DHX15: variants seen among roughly 807,000 people sequenced by gnomAD.
DHX15 encodes ATP-dependent RNA helicase DHX15.
Under a neutral mutation model 94.4 loss-of-function variants are expected in DHX15, and 11 were observed. The observed-to-expected ratio is 0.12, with a 90% CI of 0.07 to 0.19. DHX15 has a LOEUF of 0.19. Among genes scored for constraint, DHX15 ranks in the 10% least tolerant of loss-of-function variants. DHX15 has a pLI of 1.00. For synonymous variants in DHX15, 338 were observed against 329.9 expected (o/e 1.02, Z -0.27); for missense variants, 304 against 988.5 (o/e 0.31, Z 9.29).
At chr4:24,553,671 G>T (rs1382729344) in intron 5 of DHX15, among the ~76,000 whole-genome samples, 1 of 151,832 alleles carries the variant, frequency 6.6e-6, no homozygotes, top group Non-Finnish European at 1.5e-5. Context: ...CAGCTACTTG[G>T]GAGGCTGAGG....
chr4:24,552,017 G>A (rs1056472120), intron 5 of DHX15, among the ~76,000 whole-genome samples: 33 of 152,160 alleles, frequency 2.2e-4, no homozygotes, highest in South Asian at 6.2e-4. Context: ...AAGAAATCCC[G>A]TAACACTTAA....
intron 2 of DHX15, 59 bp downstream of exon 2, chr4:24,576,184 G>A (rs1560776361): frequency 2.2e-6 from 3 of 1,356,040 alleles, no homozygotes; most frequent in African/African-American, 2.9e-5. Context: ...AATCAAATAT[G>A]CAACATTTGG....
chr4:24,584,257 G>T, intron 1 of DHX15, 66 bp downstream of exon 1: 1 of 1,512,886 alleles, frequency 6.6e-7, no homozygotes. Context: ...GGCCAGCCCC[G>T]GCCCGCTCCC....
Position 24,584,219 on chromosome 4 carries a change from G to A in DHX15, c.71+104C>T, listed in dbSNP as rs1001781454. On this transcript the variant is annotated intron_variant, in intron 1 of 13. Transcript: ENST00000336812. ...TGAACCCAGCCCAGAGAGAAACAAAGGCTCGGGCTCCAGGACCCGCTCGGC... is the reference window on the plus strand; with the variant it reads ...TGAACCCAGCCCAGAGAGAAACAAAAGCTCGGGCTCCAGGACCCGCTCGGC... 3.3e-6 allele frequency: 4 copies of A among 1,205,146 alleles called. No individual in the cohort carries two copies. The African/African-American group carries it at 4.7e-5, about 14-fold the overall frequency. 74.7% of individuals were successfully genotyped at this position (1,205,146 alleles called of 1,614,324 possible). A position where few individuals can be genotyped will look rare whatever the true frequency, so the allele number is the denominator to read the frequency against.
intron 2 of DHX15, 90 bp downstream of exon 2, chr4:24,576,153 G>T: frequency 1.9e-6 from 2 of 1,034,608 alleles, no homozygotes; most frequent in African/African-American, 1.6e-5. Flanking sequence ...CTATAGGACA[G>T]ACAAGGGAAA....
chr4:24,584,482 C>A lies in DHX15; in HGVS notation c.-89G>T. 7.9e-7 allele frequency: 1 copy of A among 1,262,872 alleles called. No homozygotes were observed. Among genetic ancestry groups the A allele is most frequent in the Non-Finnish European group, 1.1e-6 (1 of 905,300 alleles). The allele number at this position is 1,262,872 out of a possible 1,614,324, so 78.2% of individuals were successfully genotyped here. ...AGGACAGCCACTTAACTCTGGAGGA[C>A]CCCCACCCCTCCCGCTACTACAGCC... is the stretch of plus-strand genomic sequence containing the variant. On this transcript the variant is annotated 5_prime_UTR_variant, in exon 1 of 14. Coordinates refer to ENST00000336812, the MANE Select transcript of DHX15 (RefSeq NM_001358.3).
chr4:24,582,736 C>T (rs1722444411), intron 1 of DHX15, among the ~76,000 whole-genome samples: 1 of 152,160 alleles, frequency 6.6e-6, no homozygotes, highest in South Asian at 2.1e-4. Flanking sequence ...TAACTCTGTT[C>T]TCCACTTCTC....
chr4:24,573,587 C>T (rs770133926), intron 2 of DHX15, among the ~76,000 whole-genome samples: 1 of 142,138 alleles, frequency 7.0e-6, no homozygotes. Flanking sequence ...CATGGTGTAT[C>T]ATCAATATGT....
At chr4:24,557,604 T>C (rs1371948145) in intron 3 of DHX15, among the ~76,000 whole-genome samples, 3 of 152,224 alleles carry the variant, frequency 2.0e-5, no homozygotes, top group African/African-American at 4.8e-5. Context: ...CTCATTTATA[T>C]GCTTTATGCT....
intron 3 of DHX15, among the ~76,000 whole-genome samples, chr4:24,567,233 A>G (rs542640667): frequency 6.6e-6 from 1 of 152,196 alleles, no homozygotes; most frequent in Non-Finnish European, 1.5e-5. Flanking sequence ...TTTCTTCCCT[A>G]AAAAATTATC....
In DHX15 at chr4:24,584,450, A is replaced by G. The variant is rs900251026; in HGVS notation, c.-57T>C. 207 of 1,516,524 alleles carry G rather than the reference A, an allele frequency of 1.4e-4. 1 individual carries two copies. In the East Asian group the frequency reaches 5.0e-3, roughly 37 times the overall value. The allele number at this position is 1,516,524 out of a possible 1,614,324, so 93.9% of individuals were successfully genotyped here. Reference sequence around the variant, plus strand: ...GAAGAAAGCTGGCTGCTGTATGGGCACAGTCGAGGACAGCCACTTAACTCT... The same window carrying G: ...GAAGAAAGCTGGCTGCTGTATGGGCGCAGTCGAGGACAGCCACTTAACTCT... On this transcript the variant is annotated 5_prime_UTR_variant, in exon 1 of 14. Transcript: ENST00000336812.
chr4:24,583,740 TCCC>T (rs1240478203), intron 1 of DHX15, among the ~76,000 whole-genome samples: 1 of 150,540 alleles, frequency 6.6e-6, no homozygotes, highest in Non-Finnish European at 1.5e-5. Context: ...TACTCCCACC[TCCC>T]CCGAGAACTC....
intron 2 of DHX15, 116 bp from the exon 3 acceptor site, chr4:24,570,963 G>T: frequency 9.8e-7 from 1 of 1,015,626 alleles, no homozygotes; most frequent in Non-Finnish European, 1.4e-6. Context: ...TTAGGCAAAT[G>T]ACTATAAGAC....
intron 5 of DHX15, among the ~76,000 whole-genome samples, chr4:24,554,197 G>A (rs776549287): frequency 2.0e-5 from 3 of 152,002 alleles, no homozygotes; most frequent in Non-Finnish European, 4.4e-5. Context: ...CAGCCTGGGC[G>A]ACAGCGCAAG....
chr4:24,553,764 C>T (rs949098183), intron 5 of DHX15, among the ~76,000 whole-genome samples: 15 of 151,808 alleles, frequency 9.9e-5, no homozygotes, highest in East Asian at 3.9e-4. Flanking sequence ...GTTGACAGAG[C>T]GCGACTCTGT....
chr4:24,556,016 G>C (rs538853751), intron 4 of DHX15, among the ~76,000 whole-genome samples: 1 of 152,108 alleles, frequency 6.6e-6, no homozygotes, highest in South Asian at 2.1e-4. Context: ...GATTATAAAA[G>C]AACTAGGTGG....
intron 3 of DHX15, among the ~76,000 whole-genome samples, chr4:24,568,372 A>G (rs1722042584): frequency 6.6e-6 from 1 of 152,180 alleles, no homozygotes; most frequent in African/African-American, 2.4e-5. Flanking sequence ...TCCTTTACTT[A>G]TATTACTTAA....
At position 24,584,529 on chromosome 4, in the gene DHX15, A is replaced by C; in HGVS notation, c.-136T>G. On this transcript the variant is annotated 5_prime_UTR_variant, in exon 1 of 14. Transcript: ENST00000336812. ...AGCCCACACGGTGCGGCCGGAACCA[A>C]CAGCTAAAATGGCGGCGGCGACGAG... The C allele has an allele frequency of 1.2e-6, 1 of 847,040 alleles. No homozygotes were observed. The highest frequency in any genetic ancestry group is 1.7e-6 in the Non-Finnish European group (1 of 579,358). 52.5% of individuals were successfully genotyped at this position (847,040 alleles called of 1,614,324 possible).
At chr4:24,555,707 T>C (rs11945433) in intron 4 of DHX15, among the ~76,000 whole-genome samples, 33,731 of 152,042 alleles carry the variant, frequency 0.22, 4,004 homozygotes, top group East Asian at 0.4. Flanking sequence ...ATCATAGACT[T>C]TGGGGGACAA....
Sources: allele counts gnomAD v4.1 joint callset (sites outside exome capture counted in the v4.1 genomes callset), GRCh38; gene constraint gnomAD v4.1.1; transcripts MANE v1.5; gene names NCBI Gene and HGNC (gene_info 2026-07-23, HGNC 2026-07-21).